GOLGA7B: variants seen among roughly 807,000 people sequenced by gnomAD.
GOLGA7B encodes the protein golgin A7 family member B, also known as golgin subfamily A member 7B.
GOLGA7B carries 17 observed loss-of-function variants against 21.5 expected under a neutral mutation model. The ratio of observed to expected loss-of-function variants is 0.79; its 90% confidence interval spans 0.54 to 1.19. GOLGA7B has a LOEUF of 1.19. GOLGA7B is among the 50% of genes most tolerant of loss of function. The probability of loss-of-function intolerance (pLI) is 0.00; values close to 1 mark genes in which losing one functional copy is unlikely to be tolerated. For synonymous variants in GOLGA7B, 87 were observed against 84.0 expected, an observed-to-expected ratio of 1.04 and a Z score of -0.19; for missense variants, 169 against 224.4, an observed-to-expected ratio of 0.75 and a Z score of 1.58.
chr10:97,850,695 A>C (rs934014920), intron 1 of GOLGA7B, among the ~76,000 whole-genome samples: 3 of 152,136 alleles, frequency 2.0e-5, no homozygotes, highest in Admixed American at 6.5e-5. Context: ...GTTGCTATGC[A>C]GTCAGCTTCT....
rs1047185650 is a variant in GOLGA7B at position 97,871,230 on chromosome 10, G to A, written c.*5530G>A. On this transcript the variant is annotated 3_prime_UTR_variant, in exon 5 of 5. Coordinates refer to ENST00000370602, the MANE Select transcript of GOLGA7B (RefSeq NM_001010917.3). The stretch of plus-strand genomic sequence containing the variant: ...AGCATCTGCTGGACAGCAGAACTTC[G>A]CATGCAGGATCCTGGAGCTGCGTCG... 8 of 152,168 alleles carry A rather than the reference G, an allele frequency of 5.3e-5. No individual in the cohort carries two copies. Among genetic ancestry groups the A allele is most frequent in the Non-Finnish European group, 1.2e-4 (8 of 68,036 alleles). 9.4% of individuals were successfully genotyped at this position (152,168 alleles called of 1,614,324 possible).
chr10:97,857,157 A>G (rs1336250617), intron 1 of GOLGA7B, among the ~76,000 whole-genome samples: 1 of 152,132 alleles, frequency 6.6e-6, no homozygotes, highest in Non-Finnish European at 1.5e-5. Flanking sequence ...GCCTAGGCCA[A>G]TATCCAGAAG....
chr10:97,858,062 T>C (rs116369015), intron 1 of GOLGA7B, among the ~76,000 whole-genome samples: 4,820 of 152,302 alleles, frequency 0.032, 242 homozygotes, highest in African/African-American at 0.11. Context: ...TAGTAGACCA[T>C]GTGCTCTATC....
At chr10:97,862,418 TACAA>T (rs977674645) in intron 2 of GOLGA7B, among the ~76,000 whole-genome samples, 4 of 152,354 alleles carry the variant, frequency 2.6e-5, no homozygotes, top group Non-Finnish European at 4.4e-5. Context: ...CTTCTGTTAA[TACAA>T]ACAGTTTATT....
At chr10:97,863,895 G>C (rs1315272788) in intron 2 of GOLGA7B, 35 bp from the exon 3 acceptor site, 1 of 1,588,426 alleles carries the variant, frequency 6.3e-7, no homozygotes, top group Admixed American at 1.7e-5. Context: ...ACTCCAGGGA[G>C]GCTAACCGCA....
rs1399296918 is a variant in GOLGA7B, at chr10:97,870,262, C to T, written c.*4562C>T. On this transcript the variant is annotated 3_prime_UTR_variant, in exon 5 of 5. Coordinates refer to ENST00000370602, the MANE Select transcript of GOLGA7B (RefSeq NM_001010917.3). ...TGAGAATCCCTGGTTTTGACAGTAC[C>T]TATAGCCTATAAGCCTTTAATACAC... 6.6e-6 allele frequency: 1 copy of T among 152,130 alleles called. No homozygotes were observed. Among genetic ancestry groups the T allele is most frequent in the Non-Finnish European group, 1.5e-5 (1 of 68,024 alleles). 9.4% of individuals were successfully genotyped at this position (152,130 alleles called of 1,614,324 possible). A position where few individuals can be genotyped will look rare whatever the true frequency, so the allele number is the denominator to read the frequency against.
chr10:97,865,755 C>T lies in GOLGA7B; in HGVS notation c.*55C>T. 6.8e-7 allele frequency: 1 copy of T among 1,467,756 alleles called. No individual in the cohort carries two copies. Among genetic ancestry groups the T allele is most frequent in the Non-Finnish European group, 9.1e-7 (1 of 1,100,434 alleles). The allele number at this position is 1,467,756 out of a possible 1,614,324, so 90.9% of individuals were successfully genotyped here. On this transcript the variant is annotated 3_prime_UTR_variant, in exon 5 of 5. Coordinates refer to ENST00000370602, the MANE Select transcript of GOLGA7B (RefSeq NM_001010917.3). ...TGGCCGGAGTGAGGGCCTTGCAGAC[C>T]TGCGGCGGCTGCGCTACCAGAGCAC...
intron 4 of GOLGA7B, chr10:97,865,186 G>A (rs2050005660): frequency 1.5e-5 from 3 of 204,006 alleles, no homozygotes; most frequent in South Asian, 1.8e-4. Flanking sequence ...CTGGTGTAAG[G>A]TCACATAGCT....
chr10:97,860,560 C>T (rs1489766096), intron 2 of GOLGA7B, among the ~76,000 whole-genome samples: 1 of 152,106 alleles, frequency 6.6e-6, no homozygotes, highest in Non-Finnish European at 1.5e-5. Flanking sequence ...GCCATGTTGC[C>T]CAGGCTGGTC....
At position 97,870,504 on chromosome 10, in the gene GOLGA7B, C is replaced by T. The variant is rs551248280; in HGVS notation, c.*4804C>T. 12 of 152,230 alleles carry T rather than the reference C, an allele frequency of 7.9e-5. No individual in the cohort carries two copies. The highest frequency in any genetic ancestry group is 3.4e-3 in the Middle Eastern group (1 of 294). The allele number at this position is 152,230 out of a possible 1,614,324, so 9.4% of individuals were successfully genotyped here. On this transcript the variant is annotated 3_prime_UTR_variant, in exon 5 of 5. Coordinates refer to ENST00000370602, the MANE Select transcript of GOLGA7B (RefSeq NM_001010917.3). ...TCTGGGAGCTCAGGATGTTCTGTTT[C>T]TTGATCAGAGTGCCAGTTACACGGG...
At chr10:97,853,629 G>A (rs1564864255) in intron 1 of GOLGA7B, among the ~76,000 whole-genome samples, 1 of 152,230 alleles carries the variant, frequency 6.6e-6, no homozygotes, top group Non-Finnish European at 1.5e-5. Flanking sequence ...GGCAATGGGA[G>A]AGAGGGGCAG....
Position 97,865,988 on chromosome 10 carries a change from G to T in GOLGA7B, c.*288G>T. 1 of 439,836 alleles carries T rather than the reference G, an allele frequency of 2.3e-6. No homozygotes were observed. Among genetic ancestry groups the T allele is most frequent in the Non-Finnish European group, 4.0e-6 (1 of 251,194 alleles). 27.2% of individuals were successfully genotyped at this position (439,836 alleles called of 1,614,324 possible). ...CAGATCTTCCTAGGAAGGCTGGGGT[G>T]GGGAGAACACAACCTAGGCGGCCCC... is the stretch of plus-strand genomic sequence containing the variant. On this transcript the variant is annotated 3_prime_UTR_variant, in exon 5 of 5. Transcript: ENST00000370602.
At chr10:97,855,386 A>T (rs1267299750) in intron 1 of GOLGA7B, among the ~76,000 whole-genome samples, 1 of 152,240 alleles carries the variant, frequency 6.6e-6, no homozygotes, top group Non-Finnish European at 1.5e-5. Flanking sequence ...TTATACTACA[A>T]GGCTATAGTA....
Position 97,865,704 on chromosome 10 carries a change from G to A in GOLGA7B, c.*4G>A, listed in dbSNP as rs1038271328. The A allele has an allele frequency of 6.2e-7, 1 of 1,603,186 alleles. No individual in the cohort carries two copies. The highest frequency in any genetic ancestry group is 1.3e-5 in the African/African-American group (1 of 74,774). ...TGGTGGGGCGGGGGCCCGGTGACTG[G>A]CCGAGAGTCCCTGTAGGGAGGTGTA... On this transcript the variant is annotated 3_prime_UTR_variant, in exon 5 of 5. Coordinates refer to ENST00000370602, the MANE Select transcript of GOLGA7B (RefSeq NM_001010917.3).
Position 97,865,826 on chromosome 10 carries a change from GAGGGAGGGT to G in GOLGA7B, c.*127_*135del. 6 of 778,972 alleles carry G rather than the reference GAGGGAGGGT, an allele frequency of 7.7e-6. No individual in the cohort carries two copies. The highest frequency in any genetic ancestry group is 1.8e-5 in the African/African-American group (1 of 55,512). 48.3% of individuals were successfully genotyped at this position (778,972 alleles called of 1,614,324 possible). ...GGGCTCACCCTGCTGCCCGGGGTGG[GAGGGAGGGT>G]GACGGGCCTCATATTTCCTGTGGGC... On this transcript the variant is annotated 3_prime_UTR_variant, in exon 5 of 5. Transcript: ENST00000370602.
In GOLGA7B at chr10:97,870,053, A is replaced by G. The variant is rs1221366107; in HGVS notation, c.*4353A>G. 1 of 152,218 alleles carries G rather than the reference A, an allele frequency of 6.6e-6. No homozygotes were observed. Among genetic ancestry groups the G allele is most frequent in the Non-Finnish European group, 1.5e-5 (1 of 68,038 alleles). The allele number at this position is 152,218 out of a possible 1,614,324, so 9.4% of individuals were successfully genotyped here. On this transcript the variant is annotated 3_prime_UTR_variant, in exon 5 of 5. Coordinates refer to ENST00000370602, the MANE Select transcript of GOLGA7B (RefSeq NM_001010917.3). ...CCAGTTGTTAAATAGGGAGACTAATATCTCACAGAGTTGTTTAGACCCGAG... is the reference window on the plus strand; with the variant it reads ...CCAGTTGTTAAATAGGGAGACTAATGTCTCACAGAGTTGTTTAGACCCGAG...
chr10:97,862,204 G>A (rs766464724), intron 2 of GOLGA7B, among the ~76,000 whole-genome samples: 1 of 152,144 alleles, frequency 6.6e-6, no homozygotes, highest in Non-Finnish European at 1.5e-5. Flanking sequence ...TATTGATTAT[G>A]TATTAGTCTC....
rs1166599513 is a variant in GOLGA7B, at chr10:97,866,424, G to C, written c.*724G>C. 1 of 152,148 alleles carries C rather than the reference G, an allele frequency of 6.6e-6. No individual in the cohort carries two copies. Among genetic ancestry groups the C allele is most frequent in the Non-Finnish European group, 1.5e-5 (1 of 68,030 alleles). 9.4% of individuals were successfully genotyped at this position (152,148 alleles called of 1,614,324 possible). ...CTGGGGCTCTGGGAGGTAATATGGG[G>C]GTCTGGGAAACTCCGTGAAGAGACA... On this transcript the variant is annotated 3_prime_UTR_variant, in exon 5 of 5. Transcript: ENST00000370602.
intron 1 of GOLGA7B, among the ~76,000 whole-genome samples, chr10:97,851,681 A>G (rs2049906668): frequency 6.6e-6 from 1 of 152,266 alleles, no homozygotes; most frequent in Non-Finnish European, 1.5e-5. Flanking sequence ...TGGACAGAAA[A>G]GGGGAACTTC....
Sources: allele counts gnomAD v4.1 joint callset (sites outside exome capture counted in the v4.1 genomes callset), GRCh38; gene constraint gnomAD v4.1.1; transcripts MANE v1.5; gene names NCBI Gene and HGNC (gene_info 2026-07-23, HGNC 2026-07-21).